FSTL5: variants seen among roughly 807,000 people sequenced by gnomAD.
FSTL5 encodes follistatin like 5.
In FSTL5, 62 loss-of-function variants were observed where a neutral mutation model predicts 89.1. The observed-to-expected ratio is 0.70, with a 90% CI of 0.57 to 0.86. The LOEUF (loss-of-function observed/expected upper bound fraction) is 0.86. Among genes scored for constraint, FSTL5 ranks in the 40% least tolerant of loss-of-function variants. The pLI is 0.00. For synonymous variants in FSTL5, 383 were observed against 346.2 expected, an observed-to-expected ratio of 1.11 and a Z score of -1.18; for missense variants, 1,057 against 1,001.6, an observed-to-expected ratio of 1.06 and a Z score of -0.75.
chr4:161,609,285 C>T (rs28587448), intron 7 of FSTL5, among the ~76,000 whole-genome samples: 11,240 of 152,050 alleles, frequency 0.074, 830 homozygotes, highest in South Asian at 0.19. Flanking sequence ...TTTAAAAATA[C>T]GTAATGCTGA....
intron 3 of FSTL5, among the ~76,000 whole-genome samples, chr4:161,937,547 A>G (rs1454511022): frequency 6.6e-6 from 1 of 152,168 alleles, no homozygotes; most frequent in African/African-American, 2.4e-5. Context: ...AAAATGCTCT[A>G]TCATACAAAA....
At chr4:161,391,618 G>C (rs1444165677) in intron 15 of FSTL5, among the ~76,000 whole-genome samples, 1 of 152,124 alleles carries the variant, frequency 6.6e-6, no homozygotes, top group Non-Finnish European at 1.5e-5. Context: ...AAGATTGAAT[G>C]TCCTTCCTAC....
chr4:161,416,900 A>C (rs185086911), intron 15 of FSTL5, among the ~76,000 whole-genome samples: 43 of 152,018 alleles, frequency 2.8e-4, no homozygotes, highest in African/African-American at 1.0e-3. Flanking sequence ...TTATTGATGC[A>C]ATTTCTACTC....
intron 7 of FSTL5, among the ~76,000 whole-genome samples, chr4:161,593,030 T>C (rs1733883648): frequency 6.6e-6 from 1 of 152,198 alleles, no homozygotes; most frequent in Non-Finnish European, 1.5e-5. Flanking sequence ...TTCTAAGAGT[T>C]TTTTGTTCCT....
At chr4:161,789,882 G>T (rs915491733) in intron 4 of FSTL5, among the ~76,000 whole-genome samples, 2 of 152,010 alleles carry the variant, frequency 1.3e-5, no homozygotes, top group Non-Finnish European at 2.9e-5. Flanking sequence ...AAAATGAAAA[G>T]GTAATCCAGA....
intron 4 of FSTL5, among the ~76,000 whole-genome samples, chr4:161,790,635 G>T (rs1476732253): frequency 6.6e-6 from 1 of 152,124 alleles, no homozygotes; most frequent in Non-Finnish European, 1.5e-5. Flanking sequence ...CATAACTAAT[G>T]TAAAGAGGTC....
chr4:161,759,356 G>T, intron 6 of FSTL5, 55 bp downstream of exon 6: 1 of 1,531,492 alleles, frequency 6.5e-7, no homozygotes, highest in Non-Finnish European at 8.8e-7. Context: ...ACCATATTGT[G>T]TAAAGCAACA....
At chr4:161,819,988 TGAA>T (rs1165775395) in intron 4 of FSTL5, among the ~76,000 whole-genome samples, 1 of 152,100 alleles carries the variant, frequency 6.6e-6, no homozygotes, top group Non-Finnish European at 1.5e-5. Flanking sequence ...TAAAATATAT[TGAA>T]GACTCTTTTT....
intron 4 of FSTL5, among the ~76,000 whole-genome samples, chr4:161,848,435 AC>A (rs1381054421): frequency 2.0e-5 from 3 of 152,308 alleles, no homozygotes; most frequent in African/African-American, 7.2e-5. Flanking sequence ...CATGAGAATT[AC>A]CAAAAAGAAG....
chr4:161,710,784 A>G (rs1448162093), intron 6 of FSTL5, among the ~76,000 whole-genome samples: 1 of 152,316 alleles, frequency 6.6e-6, no homozygotes, highest in South Asian at 2.1e-4. Context: ...CTGAAGTATA[A>G]TCTGATTAAT....
chr4:161,692,868 C>T (rs1242230365), intron 6 of FSTL5, among the ~76,000 whole-genome samples: 3 of 152,048 alleles, frequency 2.0e-5, no homozygotes, highest in Admixed American at 1.3e-4. Context: ...GGATTACAGG[C>T]ACACGCCACC....
At chr4:162,142,517 A>G (rs1446491889) in intron 1 of FSTL5, among the ~76,000 whole-genome samples, 1 of 152,176 alleles carries the variant, frequency 6.6e-6, no homozygotes, top group Non-Finnish European at 1.5e-5. Context: ...ACAGAATGAC[A>G]GATGAAGAAT....
At chr4:161,739,276 T>G (rs1284232220) in intron 6 of FSTL5, among the ~76,000 whole-genome samples, 1 of 152,176 alleles carries the variant, frequency 6.6e-6, no homozygotes, top group Non-Finnish European at 1.5e-5. Context: ...TTGCCACACA[T>G]ATCAGGAGAA....
chr4:161,604,592 T>C (rs980621595), intron 7 of FSTL5, among the ~76,000 whole-genome samples: 1 of 152,096 alleles, frequency 6.6e-6, no homozygotes, highest in African/African-American at 2.4e-5. Context: ...AGAGTGGGCA[T>C]ATTTATGACT....
At chr4:161,643,038 T>G (rs2126670147) in intron 7 of FSTL5, among the ~76,000 whole-genome samples, 1 of 152,328 alleles carries the variant, frequency 6.6e-6, no homozygotes, top group East Asian at 1.9e-4. Flanking sequence ...CATGTTGGTT[T>G]ATATAAGTCT....
rs1027326690 is a variant in FSTL5, at chr4:161,926,270, C to T, written c.161-5618G>A. ...GTTTGCCCAGTGTGCCACTACTGAACGACAATCCTTTTCAACGGTCACATA... is the reference window on the plus strand; with the variant it reads ...GTTTGCCCAGTGTGCCACTACTGAATGACAATCCTTTTCAACGGTCACATA... On this transcript the variant is annotated intron_variant, in intron 3 of 15. Transcript: ENST00000306100. Among the ~76,000 whole-genome samples the T allele has an allele frequency of 3.9e-5, 6 of 151,970 alleles. 1 individual carries two copies. Among genetic ancestry groups the T allele is most frequent in the South Asian group, 4.1e-4 (2 of 4,828 alleles).
At chr4:162,076,798 T>A (rs987180649) in intron 2 of FSTL5, among the ~76,000 whole-genome samples, 1 of 151,866 alleles carries the variant, frequency 6.6e-6, no homozygotes. Context: ...AAATTATGTC[T>A]TATATTCTCA....
intron 7 of FSTL5, among the ~76,000 whole-genome samples, chr4:161,625,372 CT>C (rs1735278972): frequency 6.6e-6 from 1 of 152,044 alleles, no homozygotes; most frequent in South Asian, 2.1e-4. Context: ...ATATCTCCAA[CT>C]TTTTTGTTAT....
chr4:162,160,922 G>A (rs1044262758), intron 1 of FSTL5, among the ~76,000 whole-genome samples: 1 of 151,172 alleles, frequency 6.6e-6, no homozygotes, highest in African/African-American at 2.4e-5. Context: ...AACATAAACA[G>A]GAATGCATTT....
Sources: gnomAD v4.1 joint callset for allele counts (sites outside exome capture counted in the v4.1 genomes callset) on GRCh38, gnomAD v4.1.1 for gene constraint, MANE v1.5 for transcripts, NCBI Gene and HGNC (gene_info 2026-07-23, HGNC 2026-07-21) for gene names.